The following MINDY4B variants were observed in gnomAD, a reference collection of about 807,000 sequenced individuals.
The protein encoded by MINDY4B is MINDY family member 4B.
A neutral mutation model predicts 16.7 loss-of-function variants in MINDY4B; 25 were observed. That is an observed-to-expected ratio of 1.49 (90% CI 1.09 to 2.09). The LOEUF is 2.09. Ranked by LOEUF, MINDY4B falls within the 30% of genes most tolerant of loss-of-function variation. The pLI, the probability that MINDY4B is intolerant of heterozygous loss-of-function variation, is 0.00. For synonymous variants in MINDY4B, 132 were observed against 61.9 expected (o/e 2.13, Z -5.32); for missense variants, 327 against 168.4 (o/e 1.94, Z -5.21).
chr3:150,897,004 G>A (rs1436289306), intron 3 of MINDY4B, among the ~76,000 whole-genome samples: 1 of 152,152 alleles, frequency 6.6e-6, no homozygotes, highest in Non-Finnish European at 1.5e-5. Context: ...TTAAAAGGGA[G>A]GTAAGAAGTA....
At position 150,892,202 on chromosome 3, in the gene MINDY4B, G is replaced by A. The variant is rs2107905978; in HGVS notation, c.522-1099C>T. Among the ~76,000 whole-genome samples the A allele has an allele frequency of 2.0e-5, 3 of 152,340 alleles. No homozygotes were observed. In the South Asian group the frequency reaches 6.2e-4, roughly 32 times the overall value. ...GTGCCTCATTGGAGCAAGAGGTACA[G>A]AAGCCCTGCTCCCTCATCTGAAGAT... On this transcript the variant is annotated intron_variant, in intron 5 of 11. Transcript: ENST00000465419.
chr3:150,896,613 T>C (rs1270541412), intron 3 of MINDY4B, among the ~76,000 whole-genome samples: 1 of 152,218 alleles, frequency 6.6e-6, no homozygotes, highest in Non-Finnish European at 1.5e-5. Context: ...CCTATGGATG[T>C]GGCTTCCTGA....
intron 3 of MINDY4B, among the ~76,000 whole-genome samples, chr3:150,899,292 G>T (rs1712053370): frequency 6.6e-6 from 1 of 152,178 alleles, no homozygotes; most frequent in African/African-American, 2.4e-5. Flanking sequence ...ACTTGTACCA[G>T]CCAGCGTCCC....
chr3:150,889,248 C>G (rs57797844), intron 7 of MINDY4B, among the ~76,000 whole-genome samples: 2,441 of 152,336 alleles, frequency 0.016, 49 homozygotes, highest in African/African-American at 0.055. Flanking sequence ...TCCCTTCTAG[C>G]AACGCGAGAG....
chr3:150,892,549 A>G (rs1382369356), intron 5 of MINDY4B, among the ~76,000 whole-genome samples: 2 of 152,204 alleles, frequency 1.3e-5, no homozygotes, highest in East Asian at 3.8e-4. Flanking sequence ...TTTGCACATG[A>G]TAGGGGTTTG....
chr3:150,881,204 G>A (rs1175571709), intron 10 of MINDY4B, among the ~76,000 whole-genome samples: 6 of 152,018 alleles, frequency 3.9e-5, no homozygotes, highest in South Asian at 2.1e-4. Flanking sequence ...CCAAAATGGC[G>A]AAAATCCTAT....
At chr3:150,884,992 A>G (rs913364256) in intron 8 of MINDY4B, among the ~76,000 whole-genome samples, 1 of 152,254 alleles carries the variant, frequency 6.6e-6, no homozygotes, top group Admixed American at 6.5e-5. Flanking sequence ...CTGTGCCAAG[A>G]ACAGAGTTTT....
rs1489106365 is a variant in MINDY4B at position 150,894,318 on chromosome 3, G to A, written c.310-13C>T. The A allele has an allele frequency of 1.5e-6, 1 of 684,284 alleles. No individual in the cohort carries two copies. The highest frequency in any genetic ancestry group is 1.6e-5 in the South Asian group (1 of 63,558). 42.4% of individuals were successfully genotyped at this position (684,284 alleles called of 1,614,324 possible). A position where few individuals can be genotyped will look rare whatever the true frequency, so the allele number is the denominator to read the frequency against. ...TCTGCCGCAGCTTCTGAAAAGAGGG[G>A]AAAGAAATGATTCAACAAAAGAGAA... is the stretch of plus-strand genomic sequence containing the variant. On this transcript the variant is annotated splice_polypyrimidine_tract_variant and intron_variant, in intron 3 of 11. Transcript: ENST00000465419.
In MINDY4B at chr3:150,893,696, TGG is replaced by T. The variant is rs761403270; in HGVS notation, c.430-283_430-282del. ...TCCCTGCTTCATAGTAGTTTTTTTT[TGG>T]GGGGGGGGGTGGGGTGCAGTCTTGC... On this transcript the variant is annotated intron_variant, in intron 4 of 11. Coordinates refer to ENST00000465419, the MANE Select transcript of MINDY4B (RefSeq NM_001351281.2). Among the ~76,000 whole-genome samples, 94 of 53,612 alleles carry T rather than the reference TGG, an allele frequency of 1.8e-3. 1 individual carries two copies. The highest frequency in any genetic ancestry group is 3.6e-3 in the African/African-American group (76 of 20,830). The allele number at this position is 53,612 out of a possible 152,430, so 35.2% of individuals were successfully genotyped here. A position where few individuals can be genotyped will look rare whatever the true frequency, so the allele number is the denominator to read the frequency against.
At chr3:150,893,277 G>T (rs1045690661) in intron 5 of MINDY4B, 47 bp downstream of exon 5, 14 of 701,408 alleles carry the variant, frequency 2.0e-5, no homozygotes, top group Admixed American at 4.0e-5. Context: ...AGCATATCAA[G>T]ATTCTAGTGA....
At chr3:150,875,842 G>A (rs1711496425) in intron 10 of MINDY4B, among the ~76,000 whole-genome samples, 1 of 152,184 alleles carries the variant, frequency 6.6e-6, no homozygotes, top group South Asian at 2.1e-4. Context: ...GAACACATCT[G>A]GTTTAAAGTG....
rs1489012118 is a variant in MINDY4B at position 150,890,331 on chromosome 3, G to C, written c.742C>G (p.His248Asp). 1.6e-6 allele frequency: 1 copy of C among 630,678 alleles called. No homozygotes were observed. The highest frequency in any genetic ancestry group is 2.9e-5 in the Admixed American group (1 of 34,270). 39.1% of individuals were successfully genotyped at this position (630,678 alleles called of 1,614,324 possible). The change falls in exon 7 of 12, where the codon CAC becomes GAC. Residue 248 changes from histidine (H) to aspartate (D), a missense_variant. Physicochemically the swap from His to Asp is moderately conservative, Grantham distance 81 (BLOSUM62 -1). Coordinates refer to ENST00000465419, the MANE Select transcript of MINDY4B (RefSeq NM_001351281.2). ...KEAAEKFIYD[H>D]LLCFRGEGSH... ...ACTTAAACACTTACACATAGTAAGT[G>C]ATCGTAGATGAATTTCTCAGCGGCT...
chr3:150,904,108 T>A (rs1712183954), intron 2 of MINDY4B, among the ~76,000 whole-genome samples: 1 of 152,236 alleles, frequency 6.6e-6, no homozygotes, highest in South Asian at 2.1e-4. Flanking sequence ...TTCTTTCTTA[T>A]CTCAGAAGCA....
At chr3:150,879,734 G>A (rs1338083350) in intron 10 of MINDY4B, among the ~76,000 whole-genome samples, 1 of 152,162 alleles carries the variant, frequency 6.6e-6, no homozygotes, top group Non-Finnish European at 1.5e-5. Flanking sequence ...GACTACACAT[G>A]CTTATAAAGC....
chr3:150,871,789 A>C (rs1716979187), intron 11 of MINDY4B, among the ~76,000 whole-genome samples: 1 of 152,166 alleles, frequency 6.6e-6, no homozygotes, highest in South Asian at 2.1e-4. Context: ...AATTTGCAGT[A>C]AGCCAGGATC....
chr3:150,889,080 T>A (rs1036981853), intron 7 of MINDY4B, among the ~76,000 whole-genome samples: 1 of 152,192 alleles, frequency 6.6e-6, no homozygotes, highest in Admixed American at 6.5e-5. Context: ...GTACTTAAAA[T>A]CTATCATACA....
chr3:150,878,792 C>T (rs774593826), intron 10 of MINDY4B, among the ~76,000 whole-genome samples: 12 of 152,138 alleles, frequency 7.9e-5, no homozygotes, highest in Non-Finnish European at 1.5e-4. Flanking sequence ...GCTGTGGCCT[C>T]TTGACTGACT....
At chr3:150,887,617 A>C (rs1171384500) in intron 7 of MINDY4B, among the ~76,000 whole-genome samples, 2 of 152,196 alleles carry the variant, frequency 1.3e-5, no homozygotes, top group Non-Finnish European at 2.9e-5. Flanking sequence ...TTTATGTGGA[A>C]TTTCCTGAAT....
intron 3 of MINDY4B, among the ~76,000 whole-genome samples, chr3:150,900,304 G>C (rs1712085034): frequency 6.6e-6 from 1 of 152,252 alleles, no homozygotes; most frequent in African/African-American, 2.4e-5. Context: ...CACTTTCAGA[G>C]AAGATTCCCA....
Sources: gnomAD v4.1 joint callset for allele counts (sites outside exome capture counted in the v4.1 genomes callset) on GRCh38, gnomAD v4.1.1 for gene constraint, MANE v1.5 for transcripts, NCBI Gene and HGNC (gene_info 2026-07-23, HGNC 2026-07-21) for gene names.